MAP4K4: variants seen among roughly 807,000 people sequenced by gnomAD.
MAP4K4 encodes HPK/GCK-like kinase HGK.
MAP4K4 carries 38 observed loss-of-function variants against 189.6 expected under a neutral mutation model. That is an observed-to-expected ratio of 0.20 (90% CI 0.15 to 0.26). The LOEUF is 0.26. MAP4K4 is among the 10% of genes least tolerant of loss of function. The pLI is 1.00. For synonymous variants in MAP4K4, 610 were observed against 624.3 expected (o/e 0.98, Z 0.34); for missense variants, 1,054 against 1,726.9 (o/e 0.61, Z 6.91).
chr2:101,780,564 T>A (rs1190455688), intron 2 of MAP4K4, among the ~76,000 whole-genome samples: 1 of 152,232 alleles, frequency 6.6e-6, no homozygotes, highest in Non-Finnish European at 1.5e-5. Flanking sequence ...TCAGTTATTT[T>A]GTGTATGATG....
chr2:101,855,410 T>C (rs1440021622), intron 12 of MAP4K4, among the ~76,000 whole-genome samples: 1 of 152,216 alleles, frequency 6.6e-6, no homozygotes, highest in Non-Finnish European at 1.5e-5. Context: ...GTAAGTGGAA[T>C]AGAAATATCA....
intron 3 of MAP4K4, 56 bp from the exon 4 acceptor site, chr2:101,823,872 G>GTAAA: frequency 6.7e-7 from 1 of 1,483,156 alleles, no homozygotes; most frequent in Non-Finnish European, 9.1e-7. Flanking sequence ...TGTGGGGGAA[G>GTAAA]TAAAGTCATT....
intron 29 of MAP4K4, among the ~76,000 whole-genome samples, chr2:101,886,140 T>G (rs1444222180): frequency 6.6e-6 from 1 of 152,238 alleles, no homozygotes; most frequent in Non-Finnish European, 1.5e-5. Context: ...TGTTACTGAA[T>G]AAAGAGAATT....
At chr2:101,794,157 A>G (rs2093371285) in intron 3 of MAP4K4, among the ~76,000 whole-genome samples, 1 of 152,192 alleles carries the variant, frequency 6.6e-6, no homozygotes, top group Non-Finnish European at 1.5e-5. Context: ...AGTGGATGGT[A>G]TTAGGATAGC....
exon 15 of MAP4K4, chr2:101,859,680 C>T (rs2097578732): frequency 6.2e-7 from 1 of 1,611,660 alleles, no homozygotes; most frequent in African/African-American, 1.3e-5. Context: ...CACCGGCAGG[C>T]AGAGAGGCTC....
At chr2:101,798,205 C>T (rs947834449) in intron 3 of MAP4K4, among the ~76,000 whole-genome samples, 3 of 151,780 alleles carry the variant, frequency 2.0e-5, no homozygotes, top group African/African-American at 7.3e-5. Context: ...TGAGCCACAG[C>T]ACCCGCCCTT....
intron 2 of MAP4K4, among the ~76,000 whole-genome samples, chr2:101,710,465 A>C (rs2044790235): frequency 6.6e-6 from 1 of 152,140 alleles, no homozygotes; most frequent in Non-Finnish European, 1.5e-5. Context: ...CTGCTAGTCA[A>C]GATTTCCTTT....
chr2:101,754,587 T>TA (rs1232554374), intron 2 of MAP4K4, among the ~76,000 whole-genome samples: 1 of 152,072 alleles, frequency 6.6e-6, no homozygotes, highest in Non-Finnish European at 1.5e-5. Flanking sequence ...CTCATGACCT[T>TA]AGGTGATCTG....
chr2:101,711,520 G>T (rs1480979811), intron 2 of MAP4K4, among the ~76,000 whole-genome samples: 8 of 152,142 alleles, frequency 5.3e-5, no homozygotes, highest in Admixed American at 4.6e-4. Context: ...CTCCCAAAGT[G>T]CTGGGATTAC....
At chr2:101,735,546 TAAGTCA>T (rs1461824685) in intron 2 of MAP4K4, among the ~76,000 whole-genome samples, 1 of 152,148 alleles carries the variant, frequency 6.6e-6, no homozygotes, top group Non-Finnish European at 1.5e-5. Flanking sequence ...CAGAATACTC[TAAGTCA>T]CTCTTCTTAG....
At chr2:101,731,687 G>T (rs544133278) in intron 2 of MAP4K4, among the ~76,000 whole-genome samples, 18 of 151,898 alleles carry the variant, frequency 1.2e-4, no homozygotes, top group African/African-American at 4.1e-4. Flanking sequence ...GGAGGTCAAG[G>T]CTACAGTGAG....
At chr2:101,718,347 G>A (rs2049656488) in intron 2 of MAP4K4, among the ~76,000 whole-genome samples, 1 of 151,980 alleles carries the variant, frequency 6.6e-6, no homozygotes. Flanking sequence ...TTTTGCATGT[G>A]CATGGAGAGG....
chr2:101,873,609 T>C, intron 24 of MAP4K4, 38 bp from the exon 25 acceptor site: 1 of 1,062,588 alleles, frequency 9.4e-7, no homozygotes, highest in South Asian at 1.3e-5. Context: ...ATTTTTAAAA[T>C]GCCAGTTGTA....
chr2:101,768,656 T>C (rs989310309), intron 2 of MAP4K4, among the ~76,000 whole-genome samples: 3 of 152,160 alleles, frequency 2.0e-5, no homozygotes, highest in African/African-American at 7.2e-5. Context: ...GTGAGCAGTA[T>C]GTTAGTGAGG....
chr2:101,752,836 T>G (rs2069879778), intron 2 of MAP4K4, among the ~76,000 whole-genome samples: 1 of 152,226 alleles, frequency 6.6e-6, no homozygotes, highest in Non-Finnish European at 1.5e-5. Context: ...TACTGGCCAC[T>G]GTCCACGTCT....
chr2:101,856,263 T>G (rs1420475865), intron 13 of MAP4K4, 125 bp downstream of exon 13: 1 of 836,240 alleles, frequency 1.2e-6, no homozygotes, highest in Non-Finnish European at 1.8e-6. Context: ...ACACATATAC[T>G]TAGAACTTCA....
chr2:101,844,655 GGATTGACCT>G (rs1382596313), intron 12 of MAP4K4, among the ~76,000 whole-genome samples: 2 of 152,146 alleles, frequency 1.3e-5, no homozygotes, highest in Non-Finnish European at 2.9e-5. Flanking sequence ...GGCTTGCTCA[GGATTGACCT>G]GATTGCTTTT....
chr2:101,856,215 T>A (rs188923629), intron 13 of MAP4K4, 77 bp downstream of exon 13: 19 of 1,416,748 alleles, frequency 1.3e-5, no homozygotes, highest in African/African-American at 4.3e-5. Context: ...TTTTAGAAAG[T>A]ATACACACAT....
exon 1 of MAP4K4, chr2:101,697,809 C>T (rs1338928397): frequency 6.9e-6 from 1 of 145,030 alleles, no homozygotes; most frequent in Non-Finnish European, 1.5e-5. Flanking sequence ...GGGCGACGCC[C>T]GGGGGCCTGA....
Sources: allele counts gnomAD v4.1 joint callset (sites outside exome capture counted in the v4.1 genomes callset), GRCh38; gene constraint gnomAD v4.1.1; transcripts MANE v1.5; gene names NCBI Gene and HGNC (gene_info 2026-07-23, HGNC 2026-07-21).